Variants in PHLPP1 observed in about 807,000 individuals in gnomAD.
PHLPP1 encodes PH domain leucine-rich repeat-containing protein phosphatase 1.
Under a neutral mutation model 117.2 loss-of-function variants are expected in PHLPP1, and 42 were observed. That is an observed-to-expected ratio of 0.36 (90% CI 0.28 to 0.46). PHLPP1 has a LOEUF of 0.46. PHLPP1 is among the 20% of genes least tolerant of loss of function. The probability of loss-of-function intolerance (pLI) is 1.00; values close to 1 mark genes in which losing one functional copy is unlikely to be tolerated. For synonymous variants in PHLPP1, 1,042 were observed against 970.7 expected (o/e 1.07, Z -1.37); for missense variants, 2,084 against 2,241.9 (o/e 0.93, Z 1.42).
At chr18:62,799,425 T>G (rs1913714094) in intron 1 of PHLPP1, among the ~76,000 whole-genome samples, 1 of 152,196 alleles carries the variant, frequency 6.6e-6, no homozygotes, top group African/African-American at 2.4e-5. Context: ...CTTTTTAACC[T>G]GTCATCACAA....
intron 1 of PHLPP1, among the ~76,000 whole-genome samples, chr18:62,788,770 C>T (rs1240184689): frequency 6.6e-6 from 1 of 151,984 alleles, no homozygotes; most frequent in Non-Finnish European, 1.5e-5. Flanking sequence ...TTTTGAATTC[C>T]AGATAAAAGA....
intron 9 of PHLPP1, among the ~76,000 whole-genome samples, chr18:62,917,579 G>T (rs1435403012): frequency 2.0e-5 from 3 of 152,160 alleles, no homozygotes; most frequent in African/African-American, 4.8e-5. Context: ...ACGCTGGGAG[G>T]CCAAGGCAGG....
At chr18:62,807,059 T>C (rs1334956433) in intron 1 of PHLPP1, among the ~76,000 whole-genome samples, 1 of 152,176 alleles carries the variant, frequency 6.6e-6, no homozygotes, top group Non-Finnish European at 1.5e-5. Context: ...TAGTGTAAGA[T>C]GAAGGTATTA....
Position 62,892,070 on chromosome 18 carries a change from C to CT in PHLPP1, c.2067-2938dup, listed in dbSNP as rs1568152001. On this transcript the variant is annotated intron_variant, in intron 4 of 16. Coordinates refer to ENST00000262719, the MANE Select transcript of PHLPP1 (RefSeq NM_194449.4). ...GTTTTCTTTTCATTTTCTTTCTTTT[C>CT]TTTCTTTCTTTCTTTTTTTTTTTTT... is the stretch of plus-strand genomic sequence containing the variant. Among the ~76,000 whole-genome samples the CT allele has an allele frequency of 4.9e-5, 6 of 122,416 alleles. No individual in the cohort carries two copies. The Admixed American group carries it at 5.3e-4, about 11-fold the overall frequency. 80.3% of individuals were successfully genotyped at this position (122,416 alleles called of 152,430 possible). A position where few individuals can be genotyped will look rare whatever the true frequency, so the allele number is the denominator to read the frequency against.
chr18:62,938,368 G>GAAAC (rs1226627154), intron 10 of PHLPP1, among the ~76,000 whole-genome samples: 2 of 152,172 alleles, frequency 1.3e-5, no homozygotes, highest in Non-Finnish European at 2.9e-5. Flanking sequence ...CCATCCTGGA[G>GAAAC]AAACTTTGCA....
chr18:62,719,036 G>A (rs887646615), intron 1 of PHLPP1, among the ~76,000 whole-genome samples: 4 of 152,112 alleles, frequency 2.6e-5, no homozygotes, highest in African/African-American at 7.2e-5. Flanking sequence ...ATCTTAAAAT[G>A]TTTGGCATGA....
At chr18:62,893,217 G>A (rs1355738917) in intron 4 of PHLPP1, among the ~76,000 whole-genome samples, 1 of 151,738 alleles carries the variant, frequency 6.6e-6, no homozygotes, top group African/African-American at 2.4e-5. Flanking sequence ...AATTTTTTTT[G>A]TATTTTTAGT....
In PHLPP1 at chr18:62,761,000, C is replaced by T. The variant is rs929201237; in HGVS notation, c.1576+43741C>T. Among the ~76,000 whole-genome samples, 10 of 152,052 alleles carry T rather than the reference C, an allele frequency of 6.6e-5. No homozygotes were observed. The East Asian group carries it at 1.6e-3, about 24-fold the overall frequency. On this transcript the variant is annotated intron_variant, in intron 1 of 16. Transcript: ENST00000262719. ...TCAGCCTCCCAAGTAGCTGGGACTA[C>T]AGGCACCTGCCACCACACTGTCCAG...
intron 1 of PHLPP1, among the ~76,000 whole-genome samples, chr18:62,784,015 G>GTC (rs1364567825): frequency 6.6e-6 from 1 of 151,254 alleles, no homozygotes; most frequent in Non-Finnish European, 1.5e-5. Context: ...CAGAGCACTT[G>GTC]TAACTCCAGA....
At chr18:62,818,225 C>G (rs1186699353) in intron 1 of PHLPP1, among the ~76,000 whole-genome samples, 1 of 152,054 alleles carries the variant, frequency 6.6e-6, no homozygotes, top group Non-Finnish European at 1.5e-5. Flanking sequence ...ACCTAGAATT[C>G]TGTACACAGT....
chr18:62,721,950 G>A (rs926075431), intron 1 of PHLPP1, among the ~76,000 whole-genome samples: 4 of 152,176 alleles, frequency 2.6e-5, no homozygotes, highest in African/African-American at 9.6e-5. Context: ...TCTAAGCCTA[G>A]TATAGTCCTT....
chr18:62,757,753 C>T (rs1912072450), intron 1 of PHLPP1, among the ~76,000 whole-genome samples: 1 of 152,206 alleles, frequency 6.6e-6, no homozygotes, highest in Admixed American at 6.5e-5. Flanking sequence ...TACCTTGGGC[C>T]ACCCTTGTGC....
At position 62,715,596 on chromosome 18, in the gene PHLPP1, G is replaced by T; in HGVS notation, c.-88G>T. On this transcript the variant is annotated 5_prime_UTR_variant, in exon 1 of 17. Coordinates refer to ENST00000262719, the MANE Select transcript of PHLPP1 (RefSeq NM_194449.4). The stretch of plus-strand genomic sequence containing the variant: ...CCATTGGCTTCTCCCTTCTCCGCGC[G>T]CCGCCGCCGTCTCCCACCTCCGCCT... 1 of 837,330 alleles carries T rather than the reference G, an allele frequency of 1.2e-6. No homozygotes were observed. The highest frequency in any genetic ancestry group is 1.6e-6 in the Non-Finnish European group (1 of 623,312). 51.9% of individuals were successfully genotyped at this position (837,330 alleles called of 1,614,324 possible).
chr18:62,715,927 C>A lies in PHLPP1; in HGVS notation c.244C>A (p.Pro82Thr). The change falls in exon 1 of 17, where the codon CCG becomes ACG. Residue 82 changes from proline to threonine, a missense_variant. Around this residue, in one of 2 missense-constraint regions of PHLPP1, gnomAD observed 719 missense variants for 636.0 expected, o/e 1.13. Transcript: ENST00000262719. ...EEAPGEAPPG[P>T]LPGRAGGAGR... Reference sequence around the variant, plus strand: ...GGCCCCAGGCGAGGCGCCGCCGGGGCCGCTGCCGGGCAGAGCGGGGGGTGC... The same window carrying A: ...GGCCCCAGGCGAGGCGCCGCCGGGGACGCTGCCGGGCAGAGCGGGGGGTGC... 1 of 1,058,954 alleles carries A rather than the reference C, an allele frequency of 9.4e-7. No individual in the cohort carries two copies. Among genetic ancestry groups the A allele is most frequent in the Non-Finnish European group, 1.1e-6 (1 of 872,844 alleles). 65.6% of individuals were successfully genotyped at this position (1,058,954 alleles called of 1,614,324 possible).
chr18:62,856,451 A>G (rs1347513046), intron 3 of PHLPP1, among the ~76,000 whole-genome samples: 2 of 152,160 alleles, frequency 1.3e-5, no homozygotes, highest in East Asian at 1.9e-4. Context: ...AATTTGAGAC[A>G]GGGTCTGGCT....
At chr18:62,721,687 C>G (rs576124672) in intron 1 of PHLPP1, among the ~76,000 whole-genome samples, 1 of 152,048 alleles carries the variant, frequency 6.6e-6, no homozygotes, top group Non-Finnish European at 1.5e-5. Context: ...ATTCGTGTGT[C>G]TTTTGTACTC....
At chr18:62,820,815 A>G (rs929999493) in intron 1 of PHLPP1, among the ~76,000 whole-genome samples, 1 of 152,246 alleles carries the variant, frequency 6.6e-6, no homozygotes, top group African/African-American at 2.4e-5. Context: ...ATTTTACACT[A>G]TAAAACAAGT....
intron 1 of PHLPP1, among the ~76,000 whole-genome samples, chr18:62,770,702 G>A (rs1912733881): frequency 6.6e-6 from 1 of 151,744 alleles, no homozygotes; most frequent in Non-Finnish European, 1.5e-5. Context: ...TTTCCAAAAT[G>A]TTTGGAACCG....
chr18:62,823,897 C>T lies in PHLPP1; in HGVS notation c.1577-6138C>T, dbSNP rs534861565. On this transcript the variant is annotated intron_variant, in intron 1 of 16. Transcript: ENST00000262719. ...CTGTAATTCCAGCACTTCGGGAGGC[C>T]GAGGTAGGTGGACCATCTGAGGTGG... Among the ~76,000 whole-genome samples, 4 of 152,066 alleles carry T rather than the reference C, an allele frequency of 2.6e-5. No homozygotes were observed. In the East Asian group the frequency reaches 5.8e-4, roughly 22 times the overall value.
Sources: gnomAD v4.1 joint callset for allele counts (sites outside exome capture counted in the v4.1 genomes callset) on GRCh38, gnomAD v4.1.1 for gene constraint, gnomAD v4.1.1 regional missense constraint, MANE v1.5 for transcripts, NCBI Gene and HGNC (gene_info 2026-07-23, HGNC 2026-07-21) for gene names.